Variants in EFHB observed in about 807,000 individuals in gnomAD.
EFHB encodes EF-hand domain-containing family member B.
Under a neutral mutation model 87.2 loss-of-function variants are expected in EFHB, and 91 were observed. That is an observed-to-expected ratio of 1.04 (90% CI 0.88 to 1.24). The LOEUF is 1.24. EFHB is among the 50% of genes most tolerant of loss of function. EFHB has a pLI of 0.00. For missense variants in EFHB, 1,084 were observed against 998.8 expected, an observed-to-expected ratio of 1.09 and a Z score of -1.15; for synonymous variants, 325 against 333.6, an observed-to-expected ratio of 0.97 and a Z score of 0.28.
upstream of EFHB, chr3:19,936,169 G>A: frequency 1.5e-6 from 2 of 1,359,740 alleles, no homozygotes; most frequent in Middle Eastern, 1.8e-4. Context: ...GGGAAGCCAA[G>A]GCAGAAGAAT....
intron 5 of EFHB, among the ~76,000 whole-genome samples, chr3:19,912,415 G>A (rs1485567022): frequency 6.6e-6 from 1 of 151,934 alleles, no homozygotes; most frequent in Non-Finnish European, 1.5e-5. Context: ...AAAAGCAGAG[G>A]GATTTCATAA....
At chr3:19,926,052 A>G (rs376798327) in intron 1 of EFHB, among the ~76,000 whole-genome samples, 91 of 152,308 alleles carry the variant, frequency 6.0e-4, no homozygotes, top group African/African-American at 2.1e-3. Flanking sequence ...AAATCTTTTT[A>G]CCTGGTATTT....
rs1559459816 is a variant in EFHB, at chr3:19,908,602, A to AGAGAGAGAGAGAGAGAGAGAGAG, written c.1289-2854_1289-2853insCTCTCTCTCTCTCTCTCTCTCTC. Among the ~76,000 whole-genome samples the AGAGAGAGAGAGAGAGAGAGAGAG allele has an allele frequency of 3.0e-4, 23 of 77,336 alleles. 1 individual carries two copies. Among genetic ancestry groups the AGAGAGAGAGAGAGAGAGAGAGAG allele is most frequent in the East Asian group, 9.3e-4 (3 of 3,242 alleles). 50.7% of individuals were successfully genotyped at this position (77,336 alleles called of 152,430 possible). A position where few individuals can be genotyped will look rare whatever the true frequency, so the allele number is the denominator to read the frequency against. Reference sequence around the variant, plus strand: ...AGAGAGAGAGAGAGAGAGAGAGAGAAAGAAAGAAAGAAAGAAAGAAAGAAA... The same window carrying AGAGAGAGAGAGAGAGAGAGAGAG: ...AGAGAGAGAGAGAGAGAGAGAGAGAAGAGAGAGAGAGAGAGAGAGAGAGAGAAAGAAAGAAAGAAAGAAAGAAA... On this transcript the variant is annotated intron_variant, in intron 5 of 12. Coordinates refer to ENST00000295824, the MANE Select transcript of EFHB (RefSeq NM_144715.4).
At chr3:19,905,513 A>C in intron 6 of EFHB, 107 bp downstream of exon 6, 2 of 1,241,182 alleles carry the variant, frequency 1.6e-6, no homozygotes, top group Non-Finnish European at 2.2e-6. Flanking sequence ...ATCTTGTTTG[A>C]ACCATATCAT....
chr3:19,902,991 T>C (rs1694723687), intron 6 of EFHB, among the ~76,000 whole-genome samples: 2 of 151,688 alleles, frequency 1.3e-5, no homozygotes, highest in African/African-American at 2.4e-5. Flanking sequence ...AGCCTGACGA[T>C]CATGGTGAAA....
At chr3:19,922,291 C>T (rs1695463134) in intron 1 of EFHB, among the ~76,000 whole-genome samples, 1 of 152,172 alleles carries the variant, frequency 6.6e-6, no homozygotes, top group African/African-American at 2.4e-5. Flanking sequence ...GAGTTCAACA[C>T]TTGGAAGAAG....
chr3:19,899,447 C>G lies in EFHB; in HGVS notation c.1487G>C (p.Gly496Ala), dbSNP rs775553866. 3.1e-6 allele frequency: 5 copies of G among 1,600,290 alleles called. No individual in the cohort carries two copies. The highest frequency in any genetic ancestry group is 3.4e-6 in the Non-Finnish European group (4 of 1,175,288). Reference protein sequence around the residue: ...DFKEKFQHKLGRVLDPIAETM... With the variant: ...DFKEKFQHKLARVLDPIAETM... ...ATTAACTTACGGATCTAAAACTCTTCCAAGTTTATGTTGAAACTTTTCTTT... is the reference window on the plus strand; with the variant it reads ...ATTAACTTACGGATCTAAAACTCTTGCAAGTTTATGTTGAAACTTTTCTTT... Residue 496 changes from glycine (G) to alanine (A), a missense_variant, in exon 7 of 13, where the codon GGA (glycine) becomes GCA (alanine). Gly to Ala is a moderately conservative substitution (Grantham distance 60, BLOSUM62 0). Coordinates refer to ENST00000295824, the MANE Select transcript of EFHB (RefSeq NM_144715.4).
intron 1 of EFHB, among the ~76,000 whole-genome samples, chr3:19,923,576 T>C (rs1695512788): frequency 6.6e-6 from 1 of 152,122 alleles, no homozygotes; most frequent in Admixed American, 6.5e-5. Context: ...GTTTTTGACA[T>C]GTTGCACAGG....
intron 9 of EFHB, among the ~76,000 whole-genome samples, chr3:19,889,040 A>G (rs558136060): frequency 6.6e-6 from 1 of 152,258 alleles, no homozygotes; most frequent in Non-Finnish European, 1.5e-5. Flanking sequence ...TCTGGTTTTC[A>G]TAACACTCCT....
At chr3:19,911,332 TG>T (rs1161038762) in intron 5 of EFHB, among the ~76,000 whole-genome samples, 2 of 151,924 alleles carry the variant, frequency 1.3e-5, no homozygotes, top group Non-Finnish European at 2.9e-5. Context: ...GAGGCCAAGG[TG>T]GGTAGATCAC....
At chr3:19,926,478 C>T (rs1203265672) in intron 1 of EFHB, among the ~76,000 whole-genome samples, 1 of 152,140 alleles carries the variant, frequency 6.6e-6, no homozygotes, top group African/African-American at 2.4e-5. Context: ...ATTCTCCTGC[C>T]TCAGCCTCCC....
intron 5 of EFHB, among the ~76,000 whole-genome samples, chr3:19,909,847 T>G (rs1694996173): frequency 6.6e-6 from 1 of 152,108 alleles, no homozygotes; most frequent in Non-Finnish European, 1.5e-5. Flanking sequence ...CAAAAGGATG[T>G]GTCTTTCCTT....
At chr3:19,886,779 A>G (rs775647794) in intron 10 of EFHB, among the ~76,000 whole-genome samples, 26 of 152,064 alleles carry the variant, frequency 1.7e-4, no homozygotes, top group East Asian at 1.3e-3. Flanking sequence ...ATAACACTCA[A>G]TGGTAGTGAG....
intron 1 of EFHB, chr3:19,946,336 C>G (rs902919603): frequency 4.6e-5 from 7 of 152,222 alleles, no homozygotes; most frequent in African/African-American, 1.7e-4. Context: ...TGAGGACCAC[C>G]AAGGGGAGCT....
rs80316166 is a variant in EFHB at position 19,932,058 on chromosome 3, A to G, written c.789+1172T>C. Among the ~76,000 whole-genome samples the G allele has an allele frequency of 2.4e-3, 371 of 152,336 alleles. 2 individuals carry two copies. Among genetic ancestry groups the G allele is most frequent in the African/African-American group, 8.2e-3 (342 of 41,574 alleles). On this transcript the variant is annotated intron_variant, in intron 1 of 12. Transcript: ENST00000295824. ...ATTTGCCACCAAACCCAAAGAGATC[A>G]TTATCAACACAGAAACTCCTGAGTC...
intron 9 of EFHB, among the ~76,000 whole-genome samples, chr3:19,889,574 A>C (rs1039904670): frequency 5.3e-5 from 8 of 152,226 alleles, no homozygotes; most frequent in African/African-American, 1.9e-4. Flanking sequence ...CCCCTGGAGA[A>C]CGAGAAACTG....
chr3:19,937,123 C>T (rs185955487), upstream of EFHB, among the ~76,000 whole-genome samples: 9 of 150,804 alleles, frequency 6.0e-5, no homozygotes, highest in South Asian at 8.4e-4. Flanking sequence ...GAGCCGAGAT[C>T]GCACCACTGC....
At chr3:19,894,989 A>AAAAAATATATATATATATATAT (rs369564576) in intron 9 of EFHB, 18 of 144,512 alleles carry the variant, frequency 1.2e-4, no homozygotes, top group African/African-American at 4.2e-4. Context: ...TGTCTCAAAA[A>AAAAAATATATATATATATATAT]ATATATATAT....
In EFHB at chr3:19,898,819, G is replaced by T. The variant is rs751790501; in HGVS notation, c.1529C>A (p.Pro510Gln). Residue 510 changes from proline to glutamine, a missense_variant, in exon 8 of 13, where the codon CCA becomes CAA. Physicochemically the swap from Pro to Gln is moderately conservative, Grantham distance 76. Coordinates refer to ENST00000295824, the MANE Select transcript of EFHB (RefSeq NM_144715.4). Reference protein sequence around the residue: ...DPIAETMNVPPDCTFGACLRP... With the variant: ...DPIAETMNVPQDCTFGACLRP... ...GAGACAAGCTCCAAATGTGCAGTCT[G>T]GGGGAACATTCATTGTTTCTGCAAT... 4.3e-6 allele frequency: 7 copies of T among 1,613,608 alleles called. No homozygotes were observed. The African/African-American group carries it at 8.0e-5, about 18-fold the overall frequency.
Sources: gnomAD v4.1 joint callset for allele counts (sites outside exome capture counted in the v4.1 genomes callset) on GRCh38, gnomAD v4.1.1 for gene constraint, MANE v1.5 for transcripts, NCBI Gene and HGNC (gene_info 2026-07-23, HGNC 2026-07-21) for gene names.